Variants in LY9 observed in about 807,000 individuals in gnomAD.
LY9 encodes T-lymphocyte surface antigen Ly-9.
LY9 carries 59 observed loss-of-function variants against 64.6 expected under a neutral mutation model. The observed-to-expected ratio is 0.91, with a 90% CI of 0.74 to 1.13. The LOEUF is 1.13. LY9 is among the 50% of genes most tolerant of loss of function. The pLI is 0.00. For synonymous variants in LY9, 281 were observed against 308.5 expected (o/e 0.91, Z 0.93); for missense variants, 789 against 797.2 (o/e 0.99, Z 0.12).
At chr1:160,809,189 A>ATTT (rs374287830) in intron 2 of LY9, among the ~76,000 whole-genome samples, 1 of 133,746 alleles carries the variant, frequency 7.5e-6, no homozygotes, top group Admixed American at 8.0e-5. Context: ...TGGTATATGC[A>ATTT]TTCTTTTTTT....
At chr1:160,825,704 G>A (rs1668816247) in intron 9 of LY9, among the ~76,000 whole-genome samples, 1 of 152,130 alleles carries the variant, frequency 6.6e-6, no homozygotes, top group Non-Finnish European at 1.5e-5. Context: ...GAGGTCAGGA[G>A]TTCAAGACCA....
At chr1:160,800,895 T>A (rs974660359) in intron 2 of LY9, among the ~76,000 whole-genome samples, 12 of 152,250 alleles carry the variant, frequency 7.9e-5, no homozygotes, top group Admixed American at 6.5e-4. Flanking sequence ...TGTGGCTGAT[T>A]AGTATTCCAT....
chr1:160,803,780 G>A (rs1311772732), intron 2 of LY9, among the ~76,000 whole-genome samples: 1 of 152,188 alleles, frequency 6.6e-6, no homozygotes, highest in Non-Finnish European at 1.5e-5. Context: ...GACCAAGGCA[G>A]GTGGATTGCT....
rs60603957 is a variant in LY9 at position 160,824,979 on chromosome 1, C to CAA, written c.1899+751_1899+752dup. Among the ~76,000 whole-genome samples the CAA allele has an allele frequency of 2.5e-3, 146 of 59,222 alleles. 2 individuals carry two copies. The highest frequency in any genetic ancestry group is 5.6e-3 in the African/African-American group (99 of 17,716). 38.9% of individuals were successfully genotyped at this position (59,222 alleles called of 152,430 possible). A position where few individuals can be genotyped will look rare whatever the true frequency, so the allele number is the denominator to read the frequency against. The stretch of plus-strand genomic sequence containing the variant: ...TGGGCAACAGAACAAGACTCCATCT[C>CAA]AAAAAAAAAAAAAAAAAAAAAATTC... On this transcript the variant is annotated intron_variant, in intron 9 of 9. Transcript: ENST00000263285.
Position 160,814,773 on chromosome 1 carries a change from G to A in LY9, c.1072+12G>A, listed in dbSNP as rs1421329750. On this transcript the variant is annotated intron_variant, in intron 4 of 9. Transcript: ENST00000263285. ...CCTGCTCATCTACCGTGAGTCTCTG[G>A]GCAGGGCACCCATCACCAGATTCCT... 2 of 1,602,120 alleles carry A rather than the reference G, an allele frequency of 1.2e-6. No individual in the cohort carries two copies. Among genetic ancestry groups the A allele is most frequent in the Non-Finnish European group, 8.5e-7 (1 of 1,173,218 alleles).
chr1:160,807,815 T>C lies in LY9; in HGVS notation c.455-5821T>C, dbSNP rs373846249. Among the ~76,000 whole-genome samples, 23 of 152,112 alleles carry C rather than the reference T, an allele frequency of 1.5e-4. No homozygotes were observed. In the East Asian group the frequency reaches 2.3e-3, roughly 15 times the overall value. The stretch of plus-strand genomic sequence containing the variant: ...ATGCTCAGGTGCCCAAGGCAGTGGA[T>C]TGGGTTGGGCAATCCCCAAGATGCT... On this transcript the variant is annotated intron_variant, in intron 2 of 9. Transcript: ENST00000263285.
intron 2 of LY9, among the ~76,000 whole-genome samples, chr1:160,806,990 T>A (rs1347428082): frequency 6.6e-6 from 1 of 152,238 alleles, no homozygotes; most frequent in Non-Finnish European, 1.5e-5. Context: ...TGTGAGATTC[T>A]TTCTTCAGCC....
chr1:160,797,391 G>A (rs905752458), intron 1 of LY9: 1 of 548,982 alleles, frequency 1.8e-6, no homozygotes, highest in Non-Finnish European at 2.3e-6. Context: ...CAGAGCTGAG[G>A]TCCAGTCTGA....
intron 7 of LY9, among the ~76,000 whole-genome samples, chr1:160,822,630 A>C (rs898297046): frequency 1.3e-5 from 2 of 152,186 alleles, no homozygotes; most frequent in African/African-American, 2.4e-5. Flanking sequence ...TATCCTTACT[A>C]TCTGCCTAAG....
In LY9 at chr1:160,803,498, G is replaced by C. The variant is rs1026931932; in HGVS notation, c.454+3416G>C. On this transcript the variant is annotated intron_variant, in intron 2 of 9. Coordinates refer to ENST00000263285, the MANE Select transcript of LY9 (RefSeq NM_002348.4). Reference sequence around the variant, plus strand: ...AGTGTTTTGTAGTTTGCCTTGTAGAGATCTTTCACCTCCTTGGTTATACTT... The same window carrying C: ...AGTGTTTTGTAGTTTGCCTTGTAGACATCTTTCACCTCCTTGGTTATACTT... 6.6e-5 allele frequency among the ~76,000 whole-genome samples: 10 copies of C among 152,188 alleles called. No individual in the cohort carries two copies. The South Asian group carries it at 1.2e-3, about 19-fold the overall frequency.
chr1:160,811,470 A>G (rs1417841649), intron 2 of LY9: 1 of 152,224 alleles, frequency 6.6e-6, no homozygotes, highest in Non-Finnish European at 1.5e-5. Context: ...TTCTGGCTCC[A>G]TCTTGCTTGA....
chr1:160,826,076 A>T (rs577478925), intron 9 of LY9, among the ~76,000 whole-genome samples: 1 of 152,326 alleles, frequency 6.6e-6, no homozygotes, highest in East Asian at 1.9e-4. Flanking sequence ...AAACATAAAC[A>T]TTTGATTAAC....
At chr1:160,814,253 G>A (rs1490977312) in intron 3 of LY9, among the ~76,000 whole-genome samples, 167 bp from the exon 4 acceptor site, 2 of 152,210 alleles carry the variant, frequency 1.3e-5, no homozygotes, top group Non-Finnish European at 2.9e-5. Context: ...CAGCCCAGTG[G>A]AACAGGTGGT....
In LY9 at chr1:160,816,638, G is replaced by A; in HGVS notation, c.1117G>A (p.Glu373Lys). 6.2e-7 allele frequency: 1 copy of A among 1,613,496 alleles called. No homozygotes were observed. The highest frequency in any genetic ancestry group is 1.3e-5 in the African/African-American group (1 of 75,046). The change falls in exon 5 of 10, where the codon GAG becomes AAG. Residue 373 changes from glutamate (E) to lysine (K), a missense_variant. Glu to Lys is a moderately conservative substitution (Grantham distance 56). Coordinates refer to ENST00000263285, the MANE Select transcript of LY9 (RefSeq NM_002348.4). ...PKITWSLRHS[E>K]DGICRISLTC... ...AATCACGTGGAGCCTCAGGCACAGT[G>A]AGGATGGCATCTGCAGGATCAGCCT...
chr1:160,823,650 G>T lies in LY9; in HGVS notation c.1684G>T (p.Val562Leu). The change falls in exon 8 of 10, where the codon GTA becomes TTA. Residue 562 changes from valine (V) to leucine (L), a missense_variant. Coordinates refer to ENST00000263285, the MANE Select transcript of LY9 (RefSeq NM_002348.4). ...VHKPISGRYE[V>L]FDQVTQEGAG... ...CAAGCCCATCAGTGGAAGATATGAG[G>T]TATTTGACCAGGTCACTCAGGAGGG... 6.2e-7 allele frequency: 1 copy of T among 1,614,162 alleles called. No individual in the cohort carries two copies. The highest frequency in any genetic ancestry group is 8.5e-7 in the Non-Finnish European group (1 of 1,180,010).
intron 2 of LY9, among the ~76,000 whole-genome samples, chr1:160,807,950 G>A (rs1667136410): frequency 6.6e-6 from 1 of 152,146 alleles, no homozygotes; most frequent in African/African-American, 2.4e-5. Flanking sequence ...GTGGAAGCAG[G>A]GCCATCCTCA....
chr1:160,803,301 T>TTA (rs1553256967), intron 2 of LY9, among the ~76,000 whole-genome samples: 19 of 151,646 alleles, frequency 1.3e-4, no homozygotes, highest in Non-Finnish European at 2.8e-4. Flanking sequence ...TTTTTTTTTT[T>TTA]AAAAAGTATT....
intron 1 of LY9, chr1:160,797,407 T>C (rs891583088): frequency 7.3e-6 from 3 of 410,130 alleles, no homozygotes; most frequent in Non-Finnish European, 9.9e-6. Context: ...TCTGACCTCT[T>C]TTCACTTTCA....
intron 5 of LY9, 48 bp downstream of exon 5, chr1:160,816,911 C>T (rs375290775): frequency 2.6e-5 from 42 of 1,587,070 alleles, no homozygotes; most frequent in Admixed American, 1.8e-4. Context: ...TTGGGGCCTC[C>T]AAGAGTTTGC....
Sources: gnomAD v4.1 joint callset for allele counts (sites outside exome capture counted in the v4.1 genomes callset) on GRCh38, gnomAD v4.1.1 for gene constraint, MANE v1.5 for transcripts, NCBI Gene and HGNC (gene_info 2026-07-23, HGNC 2026-07-21) for gene names.